SYTL2: variants seen among roughly 807,000 people sequenced by gnomAD.
SYTL2 encodes the protein synaptotagmin-like protein 2.
In SYTL2, 165 loss-of-function variants were observed where a neutral mutation model predicts 198.7. The ratio of observed to expected loss-of-function variants is 0.83; its 90% confidence interval spans 0.73 to 0.94. The LOEUF is 0.94. SYTL2 is among the 40% of genes least tolerant of loss of function. The pLI, the probability that SYTL2 is intolerant of heterozygous loss-of-function variation, is 0.00. For synonymous variants in SYTL2, 966 were observed against 917.7 expected, an observed-to-expected ratio of 1.05 and a Z score of -0.95; for missense variants, 2,835 against 2,582.8, an observed-to-expected ratio of 1.10 and a Z score of -2.12.
At chr11:85,771,524 C>G (rs1338674050) in intron 1 of SYTL2, among the ~76,000 whole-genome samples, 2 of 152,186 alleles carry the variant, frequency 1.3e-5, no homozygotes, top group African/African-American at 2.4e-5. Context: ...TTTATTCCAT[C>G]CTGTTTAGAA....
Position 85,726,690 on chromosome 11 carries a change from A to G in SYTL2, c.2668T>C (p.Tyr890His). The change falls in exon 8 of 20, where the codon TAC becomes CAC. Residue 890 changes from tyrosine (Y) to histidine (H), a missense_variant. By Grantham distance (83) the Tyr-to-His change is moderately conservative (BLOSUM62 2). Transcript: ENST00000359152. Reference sequence around the variant, plus strand: ...TCTGATTGCTCAGCTGAAAGATAGTATCTGGATGGACCTGCTATTTGTGGC... The same window carrying G: ...TCTGATTGCTCAGCTGAAAGATAGTGTCTGGATGGACCTGCTATTTGTGGC... ...TKPQIAGPSR[Y>H]YLSAEQSDKV... 1 of 1,536,332 alleles carries G rather than the reference A, an allele frequency of 6.5e-7. No individual in the cohort carries two copies. Among genetic ancestry groups the G allele is most frequent in the East Asian group, 2.4e-5 (1 of 40,914 alleles).
At chr11:85,833,729 C>CTT in the SYTL2 span, among the ~76,000 whole-genome samples, 166 of 121,120 alleles carry the variant, frequency 1.4e-3, 1 homozygote, top group Non-Finnish European at 1.5e-3. Context: ...TCGAAGATTT[C>CTT]TTTTTTTTTT....
At chr11:85,756,297 A>T (rs1335051499) in intron 2 of SYTL2, among the ~76,000 whole-genome samples, 2 of 152,168 alleles carry the variant, frequency 1.3e-5, no homozygotes, top group African/African-American at 4.8e-5. Flanking sequence ...CCAGGTGTGC[A>T]TTGCAAGGGA....
intron 17 of SYTL2, among the ~76,000 whole-genome samples, chr11:85,700,066 G>C (rs2084031126): frequency 6.6e-6 from 1 of 152,026 alleles, no homozygotes; most frequent in South Asian, 2.1e-4. Context: ...CAAATTTTTG[G>C]AGAGTGAGGT....
intron 9 of SYTL2, chr11:85,719,327 TGGCA>T: frequency 8.7e-7 from 1 of 1,155,174 alleles, no homozygotes; most frequent in Non-Finnish European, 1.1e-6. Context: ...AGTGGAATCT[TGGCA>T]GGCTAGTGTG....
chr11:85,725,793 T>C lies in SYTL2; in HGVS notation c.3565A>G (p.Lys1189Glu). ...TTGTCAACATGCTCATTAATGATCTTCTCAGGTCCTTTGACTTCTTCCTCA... is the reference window on the plus strand; with the variant it reads ...TTGTCAACATGCTCATTAATGATCTCCTCAGGTCCTTTGACTTCTTCCTCA... ...DTEEEVKGPEKIINEHVDKTV... is the reference protein window; with the variant it reads ...DTEEEVKGPEEIINEHVDKTV... The change falls in exon 8 of 20, where the codon AAG becomes GAG. Residue 1189 changes from lysine to glutamate, a missense_variant. Coordinates refer to ENST00000359152, the MANE Select transcript of SYTL2 (RefSeq NM_206927.4). 1 of 1,614,146 alleles carries C rather than the reference T, an allele frequency of 6.2e-7. No individual in the cohort carries two copies. Among genetic ancestry groups the C allele is most frequent in the Non-Finnish European group, 8.5e-7 (1 of 1,179,986 alleles).
chr11:85,714,269 C>A, intron 12 of SYTL2, 144 bp downstream of exon 12: 1 of 631,724 alleles, frequency 1.6e-6, no homozygotes, highest in Non-Finnish European at 2.8e-6. Context: ...ATGAACAACA[C>A]TACTTCTATT....
At chr11:85,784,599 C>G (rs1000748896) in intron 1 of SYTL2, among the ~76,000 whole-genome samples, 1 of 152,090 alleles carries the variant, frequency 6.6e-6, no homozygotes, top group African/African-American at 2.4e-5. Flanking sequence ...AATTCAGGGT[C>G]CATAATTATA....
chr11:85,821,297 C>T, the SYTL2 span, among the ~76,000 whole-genome samples: 1 of 152,030 alleles, frequency 6.6e-6, no homozygotes, highest in Non-Finnish European at 1.5e-5. Flanking sequence ...CTTATAGATT[C>T]TAAAATATTA....
At chr11:85,714,980 T>C (rs2086923562) in intron 11 of SYTL2, 1 of 153,126 alleles carries the variant, frequency 6.5e-6, no homozygotes, top group East Asian at 1.9e-4. Flanking sequence ...TTGAGTGTCT[T>C]AGAGTAGGTT....
intron 1 of SYTL2, among the ~76,000 whole-genome samples, chr11:85,770,353 G>T (rs2092330381): frequency 6.6e-6 from 1 of 152,136 alleles, no homozygotes; most frequent in African/African-American, 2.4e-5. Flanking sequence ...GTAGGCGGAT[G>T]TAATTTTCTC....
the SYTL2 span, among the ~76,000 whole-genome samples, chr11:85,838,834 T>A: frequency 2.0e-5 from 3 of 152,120 alleles, no homozygotes; most frequent in African/African-American, 7.2e-5. Context: ...GTCATATGAG[T>A]TTTCACATAT....
intron 7 of SYTL2, among the ~76,000 whole-genome samples, chr11:85,729,810 A>C (rs1388243769): frequency 6.6e-6 from 1 of 152,070 alleles, no homozygotes; most frequent in Non-Finnish European, 1.5e-5. Context: ...GAGCAGGTTC[A>C]GGTTTTTTGA....
At chr11:85,783,604 C>T (rs1346023125) in intron 1 of SYTL2, among the ~76,000 whole-genome samples, 2 of 152,090 alleles carry the variant, frequency 1.3e-5, no homozygotes, top group Non-Finnish European at 2.9e-5. Flanking sequence ...ATATTCTAGG[C>T]ACGGTTTTAA....
chr11:85,789,267 A>ATGTG (rs569747307), intron 1 of SYTL2, among the ~76,000 whole-genome samples: 6 of 128,482 alleles, frequency 4.7e-5, no homozygotes, highest in African/African-American at 1.9e-4. Context: ...TGGCTGATGT[A>ATGTG]TGTGTGTGTG....
At chr11:85,793,128 C>A (rs1247871921) in intron 1 of SYTL2, among the ~76,000 whole-genome samples, 5 of 151,652 alleles carry the variant, frequency 3.3e-5, no homozygotes, top group African/African-American at 7.3e-5. Context: ...ATTTATAGTC[C>A]TTTGGGTATA....
chr11:85,806,435 A>C (rs1465044286), intron 1 of SYTL2, among the ~76,000 whole-genome samples: 2 of 152,256 alleles, frequency 1.3e-5, no homozygotes, highest in Non-Finnish European at 2.9e-5. Flanking sequence ...TTAGAGGCAA[A>C]TACTTAGTGA....
At chr11:85,700,695 A>G in intron 16 of SYTL2, 102 bp from the exon 17 acceptor site, 3 of 856,836 alleles carry the variant, frequency 3.5e-6, no homozygotes, top group Non-Finnish European at 5.9e-6. Context: ...TTCTGGGACC[A>G]TGTGTCACTC....
chr11:85,853,676 GAAGAA>G, the SYTL2 span: 2,154 of 125,588 alleles, frequency 0.017, 47 homozygotes, highest in African/African-American at 0.057. Context: ...AAAAAAAAAA[GAAGAA>G]AAGAAAAGGG....
Sources: allele counts gnomAD v4.1 joint callset (sites outside exome capture counted in the v4.1 genomes callset), GRCh38; gene constraint gnomAD v4.1.1; transcripts MANE v1.5; gene names NCBI Gene and HGNC (gene_info 2026-07-23, HGNC 2026-07-21).